The following ARHGAP24 variants were observed in gnomAD, a reference collection of about 807,000 sequenced individuals.
The protein encoded by ARHGAP24 is rho GTPase-activating protein 24.
A neutral mutation model predicts 76.4 loss-of-function variants in ARHGAP24; 50 were observed. That is an observed-to-expected ratio of 0.65 (90% CI 0.52 to 0.83). The LOEUF (loss-of-function observed/expected upper bound fraction) is 0.83, where lower values mean the gene tolerates loss of function less well. ARHGAP24 is among the 40% of genes least tolerant of loss of function. The pLI is 0.00. For missense variants in ARHGAP24, 930 were observed against 914.2 expected (o/e 1.02, Z -0.22); for synonymous variants, 345 against 323.3 (o/e 1.07, Z -0.72).
intron 1 of ARHGAP24, among the ~76,000 whole-genome samples, chr4:85,515,371 CT>C (rs34451820): frequency 7.7e-5 from 11 of 142,634 alleles, no homozygotes; most frequent in African/African-American, 1.0e-4. Flanking sequence ...TGCAGGTAAT[CT>C]TTTTTTTTTT....
chr4:85,751,306 T>C (rs759372353), intron 3 of ARHGAP24, among the ~76,000 whole-genome samples: 1 of 152,216 alleles, frequency 6.6e-6, no homozygotes, highest in Non-Finnish European at 1.5e-5. Flanking sequence ...ATTTTTTTAA[T>C]CCAGCTCTTA....
intron 3 of ARHGAP24, among the ~76,000 whole-genome samples, chr4:85,871,664 A>G (rs953284711): frequency 4.6e-5 from 7 of 152,216 alleles, no homozygotes; most frequent in African/African-American, 7.2e-5. Context: ...AGGGTTCTTA[A>G]TAGACTGTGG....
At chr4:85,520,886 G>C (rs1180757249) in intron 1 of ARHGAP24, among the ~76,000 whole-genome samples, 2 of 152,170 alleles carry the variant, frequency 1.3e-5, no homozygotes, top group Non-Finnish European at 2.9e-5. Context: ...GAAACACTGA[G>C]GTAGATGAGA....
chr4:85,537,150 A>G (rs1176624404), intron 1 of ARHGAP24, among the ~76,000 whole-genome samples: 1 of 152,088 alleles, frequency 6.6e-6, no homozygotes, highest in Admixed American at 6.5e-5. Context: ...TCACACTTCA[A>G]TCAATGGACA....
chr4:85,554,211 GC>G (rs34474607), intron 1 of ARHGAP24, among the ~76,000 whole-genome samples: 38,755 of 152,024 alleles, frequency 0.25, 6,366 homozygotes, highest in East Asian at 0.79. Flanking sequence ...GGTCACCTAT[GC>G]CTTCTCTCTA....
At chr4:85,546,612 A>T (rs1220807468) in intron 1 of ARHGAP24, among the ~76,000 whole-genome samples, 1 of 152,204 alleles carries the variant, frequency 6.6e-6, no homozygotes, top group Admixed American at 6.5e-5. Context: ...AAGAAAATTC[A>T]ATGACTTTCT....
Position 85,487,394 on chromosome 4 carries a change from ACATGTAAATATATATT to A in ARHGAP24, c.-21+11836_-21+11851del, listed in dbSNP as rs1282440495. Reference sequence around the variant, plus strand: ...ATATATATTTATATATATTATATAAACATGTAAATATATATTTATTATATATTATATAAATATATAA... The same window carrying A: ...ATATATATTTATATATATTATATAAATATTATATATTATATAAATATATAA... On this transcript the variant is annotated intron_variant, in intron 1 of 9. Transcript: ENST00000395184. Among the ~76,000 whole-genome samples, 12 of 114,114 alleles carry A rather than the reference ACATGTAAATATATATT, an allele frequency of 1.1e-4. No homozygotes were observed. In the East Asian group the frequency reaches 2.8e-3, roughly 27 times the overall value. 74.9% of individuals were successfully genotyped at this position (114,114 alleles called of 152,430 possible).
At chr4:85,683,361 A>G (rs1326167575) in intron 2 of ARHGAP24, among the ~76,000 whole-genome samples, 2 of 152,164 alleles carry the variant, frequency 1.3e-5, no homozygotes, top group East Asian at 3.9e-4. Context: ...GAAGGGGAGC[A>G]CAGCTATTGA....
intron 2 of ARHGAP24, among the ~76,000 whole-genome samples, chr4:85,636,246 T>C (rs1721303306): frequency 6.6e-6 from 1 of 151,812 alleles, no homozygotes; most frequent in Non-Finnish European, 1.5e-5. Flanking sequence ...TAACTTTGAG[T>C]ATTTCCCAAA....
intron 2 of ARHGAP24, among the ~76,000 whole-genome samples, chr4:85,719,628 A>T (rs1724855099): frequency 6.6e-6 from 1 of 152,236 alleles, no homozygotes; most frequent in South Asian, 2.1e-4. Context: ...TTAGTTTTTA[A>T]CACTGGCTTC....
At chr4:85,615,121 A>G (rs1720505209) in intron 2 of ARHGAP24, among the ~76,000 whole-genome samples, 1 of 152,018 alleles carries the variant, frequency 6.6e-6, no homozygotes, top group Non-Finnish European at 1.5e-5. Context: ...TTTCCTTTAT[A>G]TCAGGTGTAT....
chr4:85,839,954 A>C (rs1353628462), intron 3 of ARHGAP24, among the ~76,000 whole-genome samples: 2 of 140,588 alleles, frequency 1.4e-5, no homozygotes, highest in Non-Finnish European at 3.0e-5. Context: ...GGTTCAAGCG[A>C]TTCTCCTGCC....
chr4:85,524,024 T>C (rs1724888407), intron 1 of ARHGAP24, among the ~76,000 whole-genome samples: 1 of 152,168 alleles, frequency 6.6e-6, no homozygotes. Context: ...AGCCCAATTC[T>C]GTATCCATGG....
At chr4:85,712,215 G>A (rs936401560) in intron 2 of ARHGAP24, among the ~76,000 whole-genome samples, 11 of 152,012 alleles carry the variant, frequency 7.2e-5, no homozygotes, top group Admixed American at 7.2e-4. Context: ...CTGGTTTAAC[G>A]GTTTCCTCCT....
At chr4:85,759,184 C>G (rs1726639411) in intron 3 of ARHGAP24, among the ~76,000 whole-genome samples, 1 of 152,060 alleles carries the variant, frequency 6.6e-6, no homozygotes, top group South Asian at 2.1e-4. Flanking sequence ...ATCTGGGGAC[C>G]CCTTGCATTC....
chr4:85,966,933 A>G (rs951275693), intron 5 of ARHGAP24, among the ~76,000 whole-genome samples: 1 of 152,150 alleles, frequency 6.6e-6, no homozygotes, highest in Admixed American at 6.5e-5. Context: ...TTCAGAGTGA[A>G]AAATTCCCAT....
At chr4:85,491,277 G>A (rs940319452) in intron 1 of ARHGAP24, among the ~76,000 whole-genome samples, 16 of 152,070 alleles carry the variant, frequency 1.1e-4, no homozygotes, top group African/African-American at 3.9e-4. Flanking sequence ...TGGCTAATGT[G>A]GTACATTCTT....
chr4:85,634,642 A>C (rs1214102809), intron 2 of ARHGAP24, among the ~76,000 whole-genome samples: 4 of 151,824 alleles, frequency 2.6e-5, no homozygotes, highest in Non-Finnish European at 4.4e-5. Context: ...GCAGTGTTGG[A>C]TTGGACCTCG....
At chr4:85,491,656 T>C (rs931659474) in intron 1 of ARHGAP24, among the ~76,000 whole-genome samples, 7 of 152,156 alleles carry the variant, frequency 4.6e-5, no homozygotes, top group Non-Finnish European at 8.8e-5. Context: ...CTGATGGTTT[T>C]TATCTAGGCT....
Sources: allele counts gnomAD v4.1 joint callset (sites outside exome capture counted in the v4.1 genomes callset), GRCh38; gene constraint gnomAD v4.1.1; transcripts MANE v1.5; gene names NCBI Gene and HGNC (gene_info 2026-07-23, HGNC 2026-07-21).